The following PI4KA variants were observed in gnomAD, a reference collection of about 807,000 sequenced individuals.
PI4KA encodes phosphatidylinositol 4-kinase alpha.
PI4KA carries 122 observed loss-of-function variants against 271.4 expected under a neutral mutation model. The observed-to-expected ratio is 0.45, with a 90% confidence interval of 0.39 to 0.52. The LOEUF (loss-of-function observed/expected upper bound fraction) is 0.52, where lower values mean the gene tolerates loss of function less well. Ranked by LOEUF, PI4KA falls within the 20% of genes least tolerant of loss-of-function variation. The pLI, the probability that PI4KA is intolerant of heterozygous loss-of-function variation, is 0.00. For missense variants in PI4KA, 1,969 were observed against 2,769.1 expected (o/e 0.71, Z 6.48); for synonymous variants, 1,041 against 1,078.8 (o/e 0.96, Z 0.69).
chr22:20,826,925 T>G (rs980619277), intron 3 of PI4KA, among the ~76,000 whole-genome samples: 14 of 152,288 alleles, frequency 9.2e-5, no homozygotes, highest in African/African-American at 3.4e-4. Context: ...AAATTTAAGT[T>G]CCTCATAGAT....
chr22:20,840,439 C>T (rs1249395981), intron 1 of PI4KA, among the ~76,000 whole-genome samples: 3 of 152,150 alleles, frequency 2.0e-5, no homozygotes, highest in Admixed American at 1.3e-4. Flanking sequence ...ACATAGAGGC[C>T]TTAGGGCATC....
intron 23 of PI4KA, among the ~76,000 whole-genome samples, chr22:20,759,767 G>C (rs367714432): frequency 7.2e-5 from 11 of 152,096 alleles, no homozygotes; most frequent in African/African-American, 2.4e-4. Context: ...GGGTTTCACC[G>C]TGTTAGCCAG....
chr22:20,846,501 G>A (rs936623055), intron 1 of PI4KA, among the ~76,000 whole-genome samples: 2 of 152,014 alleles, frequency 1.3e-5, no homozygotes, highest in Admixed American at 6.6e-5. Flanking sequence ...CACACAGTGG[G>A]GGGAACAACG....
chr22:20,775,007 T>C (rs178030), intron 19 of PI4KA, among the ~76,000 whole-genome samples: 57,734 of 151,850 alleles, frequency 0.38, 11,475 homozygotes, highest in African/African-American at 0.48. Flanking sequence ...AGTTTGAACT[T>C]ACTTCAAAAT....
At position 20,765,092 on chromosome 22, in the gene PI4KA, A is replaced by C; in HGVS notation, c.2574+8T>G. ...AGAGCATGGTAAAAATGAGATGTGAATCCTTACGGGGGTGACCGTGTCATT... is the reference window on the plus strand; with the variant it reads ...AGAGCATGGTAAAAATGAGATGTGACTCCTTACGGGGGTGACCGTGTCATT... On this transcript the variant is annotated splice_region_variant and intron_variant, in intron 21 of 54. Coordinates refer to ENST00000255882, the MANE Select transcript of PI4KA (RefSeq NM_058004.4). 1 of 1,608,494 alleles carries C rather than the reference A, an allele frequency of 6.2e-7. No homozygotes were observed. The highest frequency in any genetic ancestry group is 8.5e-7 in the Non-Finnish European group (1 of 1,176,358).
intron 23 of PI4KA, among the ~76,000 whole-genome samples, chr22:20,753,508 C>G (rs1930942517): frequency 6.6e-6 from 1 of 152,222 alleles, no homozygotes; most frequent in South Asian, 2.1e-4. Flanking sequence ...GTCTCCTACT[C>G]CTGTCCAATA....
intron 23 of PI4KA, among the ~76,000 whole-genome samples, chr22:20,755,283 G>A (rs1177195205): frequency 6.6e-6 from 1 of 152,202 alleles, no homozygotes; most frequent in Non-Finnish European, 1.5e-5. Context: ...TGGCTCCTGT[G>A]TCATTCGGAC....
chr22:20,802,097 T>C lies in PI4KA; in HGVS notation c.1600A>G (p.Asn534Asp). The C allele has an allele frequency of 6.2e-7, 1 of 1,613,866 alleles. No homozygotes were observed. Among genetic ancestry groups the C allele is most frequent in the Non-Finnish European group, 8.5e-7 (1 of 1,179,892 alleles). Residue 534 changes from asparagine to aspartate, a missense_variant, in exon 14 of 55, where the codon AAT (asparagine) becomes GAT (aspartate). Asn to Asp is a conservative substitution (Grantham distance 23). Transcript: ENST00000255882. ...TTGGTCACACTGATTTTTATATCAT[T>C]GCCAGCAACTGAAAGTAAAAAATTC... The part of the protein sequence containing the change: ...YHSQYHTVAG[N>D]DIKISVTNEH...
At position 20,729,415 on chromosome 22, in the gene PI4KA, T is replaced by A. The variant is rs141277380; in HGVS notation, c.4580A>T (p.Asn1527Ile). The A allele has an allele frequency of 6.2e-7, 1 of 1,613,718 alleles. No individual in the cohort carries two copies. The highest frequency in any genetic ancestry group is 1.7e-5 in the Admixed American group (1 of 59,974). Residue 1527 changes from asparagine (N) to isoleucine (I), a missense_variant, in exon 39 of 55, where the codon AAC becomes ATC. By Grantham distance (149) the Asn-to-Ile change is moderately radical. This residue lies in a region of PI4KA where 388 missense variants were observed against 521.5 expected (regional missense o/e 0.74). Coordinates refer to ENST00000255882, the MANE Select transcript of PI4KA (RefSeq NM_058004.4). ...LDQAGENSVA[N>I]WRSKYISLSE... Reference sequence around the variant, plus strand: ...CAGGCTGATGTACTTAGATCTCCAGTTGGCCACGCTGTTCTCTCCGGCCTG... The same window carrying A: ...CAGGCTGATGTACTTAGATCTCCAGATGGCCACGCTGTTCTCTCCGGCCTG...
intron 19 of PI4KA, chr22:20,779,912 T>C: frequency 6.2e-7 from 1 of 1,614,224 alleles, no homozygotes; most frequent in African/African-American, 1.3e-5. Flanking sequence ...CCATTCATAA[T>C]CTCTTCCGTA....
intron 3 of PI4KA, among the ~76,000 whole-genome samples, chr22:20,830,050 T>C (rs1454534490): frequency 1.3e-5 from 2 of 152,214 alleles, no homozygotes; most frequent in Non-Finnish European, 2.9e-5. Flanking sequence ...TTGTTTTATG[T>C]CTTATAGTGT....
intron 1 of PI4KA, among the ~76,000 whole-genome samples, chr22:20,855,691 A>C (rs577511094): frequency 1.6e-4 from 25 of 152,330 alleles, no homozygotes; most frequent in Admixed American, 5.2e-4. Context: ...AATATTCAAT[A>C]CATGTGTGCA....
rs549924798 is a variant in PI4KA at position 20,844,284 on chromosome 22, C to T, written c.157-5553G>A. On this transcript the variant is annotated intron_variant, in intron 1 of 54. Coordinates refer to ENST00000255882, the MANE Select transcript of PI4KA (RefSeq NM_058004.4). ...GGACTAAAGCGGCCAAGGTCACAGA[C>T]ATTTGATAAGGTGAGGAGGAAAGAA... Among the ~76,000 whole-genome samples the T allele has an allele frequency of 3.9e-4, 59 of 152,202 alleles. 1 individual carries two copies. In the Middle Eastern group the frequency reaches 0.014, roughly 35 times the overall value.
chr22:20,714,399 A>G, intron 47 of PI4KA, 59 bp downstream of exon 47: 3 of 1,523,120 alleles, frequency 2.0e-6, no homozygotes, highest in Non-Finnish European at 2.7e-6. Flanking sequence ...GCCAGAAGAA[A>G]CTGGCATTAG....
At chr22:20,766,532 G>A (rs1282775570) in intron 19 of PI4KA, among the ~76,000 whole-genome samples, 2 of 152,322 alleles carry the variant, frequency 1.3e-5, no homozygotes, top group East Asian at 3.9e-4. Flanking sequence ...GGGCGTGGTG[G>A]CAGGCACCTG....
At chr22:20,760,410 A>G (rs1381332337) in intron 23 of PI4KA, among the ~76,000 whole-genome samples, 1 of 152,228 alleles carries the variant, frequency 6.6e-6, no homozygotes, top group Admixed American at 6.5e-5. Flanking sequence ...AAGTGCTTAT[A>G]CGCAGCATTT....
chr22:20,795,223 C>G (rs138686784), intron 18 of PI4KA, among the ~76,000 whole-genome samples: 2 of 151,282 alleles, frequency 1.3e-5, no homozygotes, highest in African/African-American at 4.9e-5. Context: ...TGCCTAAACA[C>G]GCCTCAGTAC....
At chr22:20,739,599 T>C (rs1052355459) in intron 32 of PI4KA, among the ~76,000 whole-genome samples, 5 of 150,058 alleles carry the variant, frequency 3.3e-5, no homozygotes, top group Non-Finnish European at 4.4e-5. Context: ...CTTTCAAACA[T>C]TGAAGAAAAA....
intron 54 of PI4KA, 116 bp from the exon 55 acceptor site, chr22:20,708,214 G>T: frequency 3.6e-6 from 3 of 823,116 alleles, no homozygotes. Context: ...AGCACCTGAA[G>T]GTACAAATGT....
Sources: gnomAD v4.1 joint callset for allele counts (sites outside exome capture counted in the v4.1 genomes callset) on GRCh38, gnomAD v4.1.1 for gene constraint, gnomAD v4.1.1 regional missense constraint, MANE v1.5 for transcripts, NCBI Gene and HGNC (gene_info 2026-07-23, HGNC 2026-07-21) for gene names.